Variants in GDF15 observed in about 807,000 individuals in gnomAD.
The protein encoded by GDF15 is growth/differentiation factor 15.
GDF15 carries 10 observed loss-of-function variants against 8.9 expected under a neutral mutation model. That is an observed-to-expected ratio of 1.12 (90% confidence interval 0.69 to 1.90). The LOEUF (loss-of-function observed/expected upper bound fraction) is 1.90. Among genes scored for constraint, GDF15 ranks in the 40% most tolerant of loss-of-function variants. The probability of loss-of-function intolerance (pLI) is 0.00; values close to 1 mark genes in which losing one functional copy is unlikely to be tolerated. For synonymous variants in GDF15, 228 were observed against 210.6 expected (o/e 1.08, Z -0.72); for missense variants, 452 against 434.2 (o/e 1.04, Z -0.36).
Position 18,388,148 on chromosome 19 carries a change from T to G in GDF15, c.278-138T>G. The stretch of plus-strand genomic sequence containing the variant: ...CCGCGCCCGCACGGAGAAATGCTCT[T>G]GGTAGGGGAAATAACTTGTGCAAAG... On this transcript the variant is annotated intron_variant, in intron 1 of 1. Transcript: ENST00000252809. This position sits in a 1 kb window ranked among gnomAD's most constrained non-coding sequence, Gnocchi z 4.2. The G allele has an allele frequency of 5.5e-6, 4 of 724,148 alleles. No individual in the cohort carries two copies. The highest frequency in any genetic ancestry group is 1.8e-5 in the African/African-American group (1 of 55,838). 44.9% of individuals were successfully genotyped at this position (724,148 alleles called of 1,614,324 possible).
chr19:18,388,822 C>A lies in GDF15; in HGVS notation c.814C>A (p.Pro272Thr), dbSNP rs916754669. 1 of 1,612,212 alleles carries A rather than the reference C, an allele frequency of 6.2e-7. No individual in the cohort carries two copies. The highest frequency in any genetic ancestry group is 8.5e-7 in the Non-Finnish European group (1 of 1,180,002). Residue 272 changes from proline to threonine, a missense_variant, in exon 2 of 2, where the codon CCC (proline) becomes ACC (threonine). Coordinates refer to ENST00000252809, the MANE Select transcript of GDF15 (RefSeq NM_004864.4). This position sits in a 1 kb window ranked among gnomAD's most constrained non-coding sequence, Gnocchi z 4.2. ...CCTGAAGCCCGACACGGTGCCAGCG[C>A]CCTGCTGCGTGCCCGCCAGCTACAA... Reference protein sequence around the residue: ...HRLKPDTVPAPCCVPASYNPM... With the variant: ...HRLKPDTVPATCCVPASYNPM...
chr19:18,388,171 A>G lies in GDF15; in HGVS notation c.278-115A>G. 3 of 934,394 alleles carry G rather than the reference A, an allele frequency of 3.2e-6. No individual in the cohort carries two copies. Among genetic ancestry groups the G allele is most frequent in the Non-Finnish European group, 3.2e-6 (2 of 620,006 alleles). 57.9% of individuals were successfully genotyped at this position (934,394 alleles called of 1,614,324 possible). On this transcript the variant is annotated intron_variant, in intron 1 of 1. Transcript: ENST00000252809. The surrounding 1 kb of genome is among the most constrained non-coding windows in gnomAD (Gnocchi z 4.2). ...CTTGGTAGGGGAAATAACTTGTGCA[A>G]AGGCGCCGCCGCCGTGGTGAGATCC...
At chr19:18,386,726 A>C in intron 1 of GDF15, 2 of 522,962 alleles carry the variant, frequency 3.8e-6, no homozygotes, top group East Asian at 6.7e-5. Flanking sequence ...ACCCTCCTGA[A>C]TGTGCACAGC....
At position 18,387,813 on chromosome 19, in the gene GDF15, C is replaced by CTTT. The variant is rs538473844; in HGVS notation, c.278-449_278-447dup. Among the ~76,000 whole-genome samples, 190 of 70,328 alleles carry CTTT rather than the reference C, an allele frequency of 2.7e-3. 20 individuals carry two copies. Among genetic ancestry groups the CTTT allele is most frequent in the African/African-American group, 0.014 (169 of 12,388 alleles). The allele number at this position is 70,328 out of a possible 152,430, so 46.1% of individuals were successfully genotyped here. A position where few individuals can be genotyped will look rare whatever the true frequency, so the allele number is the denominator to read the frequency against. ...CAGGAGATTCAAGGGGAGAAATGCC[C>CTTT]TTTTTTTTTTTTTTTTTTTTTTTTT... On this transcript the variant is annotated intron_variant, in intron 1 of 1. Transcript: ENST00000252809.
Position 18,388,621 on chromosome 19 carries a change from C to T in GDF15, c.613C>T (p.Leu205Phe). ...ARARNGDHCP[L>F]GPGRCCRLHT... ...TGCGCGCAACGGGGACCACTGTCCG[C>T]TCGGGCCCGGGCGTTGCTGCCGTCT... is the stretch of plus-strand genomic sequence containing the variant. The change falls in exon 2 of 2, where the codon CTC (leucine) becomes TTC (phenylalanine). Residue 205 changes from leucine to phenylalanine, a missense_variant. Physicochemically the swap from Leu to Phe is conservative, Grantham distance 22. Coordinates refer to ENST00000252809, the MANE Select transcript of GDF15 (RefSeq NM_004864.4). This position sits in a 1 kb window ranked among gnomAD's most constrained non-coding sequence, Gnocchi z 4.2. The T allele has an allele frequency of 6.3e-7, 1 of 1,598,674 alleles. No homozygotes were observed. The highest frequency in any genetic ancestry group is 1.1e-5 in the South Asian group (1 of 90,166).
In GDF15 at chr19:18,388,490, C is replaced by T; in HGVS notation, c.482C>T (p.Pro161Leu). The T allele has an allele frequency of 6.2e-7, 1 of 1,604,650 alleles. No homozygotes were observed. Among genetic ancestry groups the T allele is most frequent in the South Asian group, 1.1e-5 (1 of 90,508 alleles). ...QAPALHLRLS[P>L]PPSQSDQLLA... ...CCCGCGCTGCACCTGCGACTGTCGCCGCCGCCGTCGCAGTCGGACCAACTG... is the reference window on the plus strand; with the variant it reads ...CCCGCGCTGCACCTGCGACTGTCGCTGCCGCCGTCGCAGTCGGACCAACTG... Residue 161 changes from proline to leucine, a missense_variant, in exon 2 of 2, where the codon CCG (proline) becomes CTG (leucine). Coordinates refer to ENST00000252809, the MANE Select transcript of GDF15 (RefSeq NM_004864.4). The surrounding 1 kb of genome is among the most constrained non-coding windows in gnomAD (Gnocchi z 4.2).
At position 18,387,813 on chromosome 19, in the gene GDF15, C is replaced by CTTTTTTTTTTTTTTTTTTTTTTTTTTTTT. The variant is rs538473844; in HGVS notation, c.278-447_278-446insTTTTTTTTTTTTTTTTTTTTTTTTTTTTT. 5.7e-5 allele frequency among the ~76,000 whole-genome samples: 4 copies of CTTTTTTTTTTTTTTTTTTTTTTTTTTTTT among 70,328 alleles called. 1 individual carries two copies. The highest frequency in any genetic ancestry group is 1.6e-4 in the African/African-American group (2 of 12,386). 46.1% of individuals were successfully genotyped at this position (70,328 alleles called of 152,430 possible). A position where few individuals can be genotyped will look rare whatever the true frequency, so the allele number is the denominator to read the frequency against. On this transcript the variant is annotated intron_variant, in intron 1 of 1. Coordinates refer to ENST00000252809, the MANE Select transcript of GDF15 (RefSeq NM_004864.4). ...CAGGAGATTCAAGGGGAGAAATGCC[C>CTTTTTTTTTTTTTTTTTTTTTTTTTTTTT]TTTTTTTTTTTTTTTTTTTTTTTTT...
In GDF15 at chr19:18,386,382, A is replaced by C; in HGVS notation, c.193A>C (p.Thr65Pro). ...GCGGAAACGCTACGAGGACCTGCTA[A>C]CCAGGCTGCGGGCCAACCAGAGCTG... ...ELRKRYEDLL[T>P]RLRANQSWED... The change falls in exon 1 of 2, where the codon ACC (threonine) becomes CCC (proline). Residue 65 changes from threonine (T) to proline (P), a missense_variant. Thr to Pro is a conservative substitution (Grantham distance 38, BLOSUM62 -1). Coordinates refer to ENST00000252809, the MANE Select transcript of GDF15 (RefSeq NM_004864.4). The C allele has an allele frequency of 6.2e-7, 1 of 1,614,024 alleles. No homozygotes were observed. The highest frequency in any genetic ancestry group is 8.5e-7 in the Non-Finnish European group (1 of 1,180,002).
rs372120002 is a variant in GDF15 at position 18,388,639 on chromosome 19, T to G, written c.631T>G (p.Cys211Gly). 1,091 of 1,599,944 alleles carry G rather than the reference T, an allele frequency of 6.8e-4. 2 individuals are homozygous for G. Among genetic ancestry groups the G allele is most frequent in the Non-Finnish European group, 7.7e-4 (902 of 1,175,206 alleles). Residue 211 changes from cysteine (C) to glycine (G), a missense_variant, in exon 2 of 2, where the codon TGC becomes GGC. By Grantham distance (159) the Cys-to-Gly change is radical. Transcript: ENST00000252809. This position sits in a 1 kb window ranked among gnomAD's most constrained non-coding sequence, Gnocchi z 4.2. ...CTGTCCGCTCGGGCCCGGGCGTTGC[T>G]GCCGTCTGCACACGGTCCGCGCGTC... The part of the protein sequence containing the change: ...DHCPLGPGRC[C>G]RLHTVRASLE...
chr19:18,387,915 C>T (rs910564194), intron 1 of GDF15, among the ~76,000 whole-genome samples: 2 of 149,180 alleles, frequency 1.3e-5, no homozygotes, highest in South Asian at 4.3e-4. Context: ...TCCACCGCCC[C>T]GATTCAAGCC....
Position 18,388,515 on chromosome 19 carries a change from G to A in GDF15, c.507G>A (p.Leu169=). The part of the protein sequence containing the change: ...LSPPPSQSDQ[L]LAESSSARPQ... ...CGCCGCCGTCGCAGTCGGACCAACT[G>A]CTGGCAGAATCTTCGTCCGCACGGC... Residue 169 remains leucine (L), a synonymous_variant, in exon 2 of 2, where the codon CTG becomes CTA. Transcript: ENST00000252809. This position sits in a 1 kb window ranked among gnomAD's most constrained non-coding sequence, Gnocchi z 4.2. 2 of 1,601,352 alleles carry A rather than the reference G, an allele frequency of 1.2e-6. No homozygotes were observed. The highest frequency in any genetic ancestry group is 8.5e-7 in the Non-Finnish European group (1 of 1,176,276).
At position 18,388,991 on chromosome 19, in the gene GDF15, T is replaced by G; in HGVS notation, c.*56T>G. The G allele has an allele frequency of 7.7e-7, 1 of 1,298,326 alleles. No individual in the cohort carries two copies. The highest frequency in any genetic ancestry group is 1.4e-5 in the South Asian group (1 of 73,174). 80.4% of individuals were successfully genotyped at this position (1,298,326 alleles called of 1,614,324 possible). The stretch of plus-strand genomic sequence containing the variant: ...GCGGAGGACGCGACCTCAGTTGTCC[T>G]GCCCTGTGGAATGGGCTCAAGGTTC... On this transcript the variant is annotated 3_prime_UTR_variant, in exon 2 of 2. Coordinates refer to ENST00000252809, the MANE Select transcript of GDF15 (RefSeq NM_004864.4). This position sits in a 1 kb window ranked among gnomAD's most constrained non-coding sequence, Gnocchi z 4.2.
At position 18,386,401 on chromosome 19, in the gene GDF15, A is replaced by G. The variant is rs1971831406; in HGVS notation, c.212A>G (p.Gln71Arg). 3.7e-6 allele frequency: 6 copies of G among 1,613,914 alleles called. No individual in the cohort carries two copies. The highest frequency in any genetic ancestry group is 1.3e-5 in the African/African-American group (1 of 75,044). ...CTGCTAACCAGGCTGCGGGCCAACC[A>G]GAGCTGGGAAGATTCGAACACCGAC... ...EDLLTRLRAN[Q>R]SWEDSNTDLV... Residue 71 changes from glutamine to arginine, a missense_variant, in exon 1 of 2, where the codon CAG (glutamine) becomes CGG (arginine). By Grantham distance (43) the Gln-to-Arg change is conservative. Coordinates refer to ENST00000252809, the MANE Select transcript of GDF15 (RefSeq NM_004864.4).
chr19:18,387,916 G>T (rs943385126), intron 1 of GDF15, among the ~76,000 whole-genome samples: 1 of 141,970 alleles, frequency 7.0e-6, no homozygotes, highest in Non-Finnish European at 1.5e-5. Flanking sequence ...CCACCGCCCC[G>T]ATTCAAGCCA....
At chr19:18,386,721 C>T (rs895519305) in intron 1 of GDF15, 1 of 542,086 alleles carries the variant, frequency 1.8e-6, no homozygotes, top group Non-Finnish European at 3.3e-6. Flanking sequence ...CAGGGACCCT[C>T]CTGAATGTGC....
intron 1 of GDF15, chr19:18,386,702 C>T (rs1237562340): frequency 1.1e-5 from 6 of 560,732 alleles, no homozygotes; most frequent in Non-Finnish European, 1.9e-5. Flanking sequence ...AACTGAGGTA[C>T]AGGGATGCCA....
chr19:18,386,748 C>A, intron 1 of GDF15: 1 of 486,348 alleles, frequency 2.1e-6, no homozygotes, highest in Non-Finnish European at 3.7e-6. Context: ...CCTGGGAAAC[C>A]CGGGGACGGG....
At chr19:18,386,501 C>T (rs764881876) in intron 1 of GDF15, 35 bp downstream of exon 1, 5 of 1,564,122 alleles carry the variant, frequency 3.2e-6, no homozygotes, top group Admixed American at 1.7e-5. Flanking sequence ...TCCCACCCCC[C>T]AAGCAGCCCC....
At position 18,388,886 on chromosome 19, in the gene GDF15, C is replaced by G. The variant is rs1206587263; in HGVS notation, c.878C>G (p.Ser293Trp). 1 of 1,611,150 alleles carries G rather than the reference C, an allele frequency of 6.2e-7. No individual in the cohort carries two copies. The highest frequency in any genetic ancestry group is 8.5e-7 in the Non-Finnish European group (1 of 1,179,660). ...ATTCAAAAGACCGACACCGGGGTGT[C>G]GCTCCAGACCTATGATGACTTGTTA... ...VLIQKTDTGVSLQTYDDLLAK... is the reference protein window; with the variant it reads ...VLIQKTDTGVWLQTYDDLLAK... The change falls in exon 2 of 2, where the codon TCG becomes TGG. Residue 293 changes from serine to tryptophan, a missense_variant. Transcript: ENST00000252809. This position sits in a 1 kb window ranked among gnomAD's most constrained non-coding sequence, Gnocchi z 4.2.
Sources: gnomAD v4.1 joint callset for allele counts (sites outside exome capture counted in the v4.1 genomes callset) on GRCh38, gnomAD v4.1.1 for gene constraint, Gnocchi (gnomAD v3.1) non-coding constraint, MANE v1.5 for transcripts, NCBI Gene and HGNC (gene_info 2026-07-23, HGNC 2026-07-21) for gene names.